Variants in PRKG1 observed in about 807,000 individuals in gnomAD.
PRKG1 encodes the protein cGMP-dependent protein kinase 1.
In PRKG1, 35 loss-of-function variants were observed where a neutral mutation model predicts 88.1. That is an observed-to-expected ratio of 0.40 (90% CI 0.30 to 0.53). The LOEUF (loss-of-function observed/expected upper bound fraction) is 0.53. Ranked by LOEUF, PRKG1 falls within the 20% of genes least tolerant of loss-of-function variation. The probability of loss-of-function intolerance (pLI) is 0.59; values close to 1 mark genes in which losing one functional copy is unlikely to be tolerated. For synonymous variants in PRKG1, 303 were observed against 292.5 expected (o/e 1.04, Z -0.37); for missense variants, 540 against 839.8 (o/e 0.64, Z 4.41).
At chr10:51,348,634 C>A (rs1485403756) in intron 2 of PRKG1, among the ~76,000 whole-genome samples, 1 of 152,162 alleles carries the variant, frequency 6.6e-6, no homozygotes, top group Non-Finnish European at 1.5e-5. Context: ...GATACTTCTC[C>A]TCTTGAGCTC....
At chr10:52,277,713 A>G (rs545688849) in intron 12 of PRKG1, among the ~76,000 whole-genome samples, 4 of 152,224 alleles carry the variant, frequency 2.6e-5, no homozygotes, top group African/African-American at 7.2e-5. Flanking sequence ...CATGAATTTG[A>G]GTTTGTATTA....
At chr10:52,061,545 A>T (rs749376392) in intron 6 of PRKG1, among the ~76,000 whole-genome samples, 5 of 152,098 alleles carry the variant, frequency 3.3e-5, no homozygotes, top group Non-Finnish European at 7.4e-5. Flanking sequence ...TCATTCATGC[A>T]ACAAAAAACA....
chr10:51,445,360 C>T (rs1302382579), intron 2 of PRKG1, among the ~76,000 whole-genome samples: 1 of 151,746 alleles, frequency 6.6e-6, no homozygotes, highest in Non-Finnish European at 1.5e-5. Flanking sequence ...TTCCTAGTTA[C>T]TCATTTTAAT....
intron 4 of PRKG1, among the ~76,000 whole-genome samples, chr10:51,838,738 G>T (rs1000744378): frequency 1.3e-5 from 2 of 151,920 alleles, no homozygotes; most frequent in African/African-American, 4.8e-5. Flanking sequence ...AAGCTAGTAG[G>T]TCTAGGAATT....
intron 2 of PRKG1, among the ~76,000 whole-genome samples, chr10:51,247,340 A>G (rs865872967): frequency 6.6e-6 from 1 of 152,032 alleles, no homozygotes; most frequent in African/African-American, 2.4e-5. Flanking sequence ...AAAGGAATTA[A>G]TTGTGCATCT....
chr10:51,699,278 T>C, intron 3 of PRKG1: 1 of 1,614,056 alleles, frequency 6.2e-7, no homozygotes, highest in Non-Finnish European at 8.5e-7. Context: ...ACTGGCAGCA[T>C]TGTCCACCCG....
At chr10:51,026,623 G>C (rs906316810) in intron 1 of PRKG1, among the ~76,000 whole-genome samples, 2 of 152,112 alleles carry the variant, frequency 1.3e-5, no homozygotes, top group African/African-American at 2.4e-5. Flanking sequence ...CTGAGATGTG[G>C]CTTAAATTTT....
At chr10:51,640,523 T>C (rs1839773356) in intron 3 of PRKG1, among the ~76,000 whole-genome samples, 1 of 152,228 alleles carries the variant, frequency 6.6e-6, no homozygotes, top group African/African-American at 2.4e-5. Context: ...GTATAAAGGA[T>C]TGACCAACAC....
chr10:52,227,167 A>G (rs1445951708), intron 9 of PRKG1, among the ~76,000 whole-genome samples: 1 of 152,170 alleles, frequency 6.6e-6, no homozygotes, highest in Non-Finnish European at 1.5e-5. Flanking sequence ...CCAAATTCCC[A>G]TCACATTATT....
chr10:51,669,987 A>G (rs982439134), intron 3 of PRKG1, among the ~76,000 whole-genome samples: 8 of 152,206 alleles, frequency 5.3e-5, no homozygotes, highest in Admixed American at 3.9e-4. Flanking sequence ...TGGCTTTATG[A>G]TAAATATGCT....
chr10:51,149,337 G>A (rs1846009532), intron 1 of PRKG1, among the ~76,000 whole-genome samples: 1 of 152,004 alleles, frequency 6.6e-6, no homozygotes, highest in Non-Finnish European at 1.5e-5. Context: ...AAAAACTAAT[G>A]GGGGCCTATT....
intron 1 of PRKG1, among the ~76,000 whole-genome samples, chr10:51,151,130 C>CAAAAAAAAAAAAAAAAAAAAAA (rs56202198): frequency 8.3e-6 from 1 of 119,880 alleles, no homozygotes; most frequent in Non-Finnish European, 1.8e-5. Context: ...CACTCTCTGA[C>CAAAAAAAAAAAAAAAAAAAAAA]AAAAAAAAAA....
intron 2 of PRKG1, among the ~76,000 whole-genome samples, chr10:51,301,720 A>G (rs1258829005): frequency 2.0e-5 from 3 of 152,184 alleles, no homozygotes; most frequent in Admixed American, 6.5e-5. Flanking sequence ...CTGAATCACC[A>G]GTGTGGGGAC....
At chr10:52,172,053 C>T (rs1176228489) in intron 9 of PRKG1, among the ~76,000 whole-genome samples, 3 of 151,902 alleles carry the variant, frequency 2.0e-5, no homozygotes, top group Non-Finnish European at 2.9e-5. Context: ...CCACCCGCCT[C>T]GGCCTCCCAA....
At chr10:52,053,351 C>G (rs1846035669) in intron 5 of PRKG1, among the ~76,000 whole-genome samples, 1 of 151,970 alleles carries the variant, frequency 6.6e-6, no homozygotes, top group Non-Finnish European at 1.5e-5. Context: ...TTTTCAATGT[C>G]AAGTATTAAT....
At chr10:51,905,931 T>G (rs1213231971) in intron 4 of PRKG1, among the ~76,000 whole-genome samples, 2 of 152,196 alleles carry the variant, frequency 1.3e-5, no homozygotes, top group African/African-American at 4.8e-5. Context: ...CTTATTTTTG[T>G]GGATTTTTAA....
chr10:51,314,474 C>T (rs1331306446), intron 2 of PRKG1, among the ~76,000 whole-genome samples: 1 of 152,212 alleles, frequency 6.6e-6, no homozygotes, highest in African/African-American at 2.4e-5. Flanking sequence ...TGCTCATTTA[C>T]ATGAGCCACT....
At chr10:52,250,963 G>A (rs1841155428) in intron 9 of PRKG1, among the ~76,000 whole-genome samples, 1 of 152,104 alleles carries the variant, frequency 6.6e-6, no homozygotes, top group South Asian at 2.1e-4. Context: ...CAAAAATGAA[G>A]GGAAGACACT....
At chr10:52,068,655 C>T (rs1337795800) in intron 7 of PRKG1, among the ~76,000 whole-genome samples, 1 of 151,522 alleles carries the variant, frequency 6.6e-6, no homozygotes, top group Admixed American at 6.6e-5. Context: ...ATCACTACCA[C>T]CATCATCTTT....
Sources: gnomAD v4.1 joint callset for allele counts (sites outside exome capture counted in the v4.1 genomes callset) on GRCh38, gnomAD v4.1.1 for gene constraint, MANE v1.5 for transcripts, NCBI Gene and HGNC (gene_info 2026-07-23, HGNC 2026-07-21) for gene names.